Variants in ZNF286A observed in about 807,000 individuals in gnomAD.
The protein encoded by ZNF286A is zinc finger protein ZNF286.
A neutral mutation model predicts 49.3 loss-of-function variants in ZNF286A; 34 were observed. The observed-to-expected ratio is 0.69, with a 90% confidence interval of 0.52 to 0.92. The LOEUF is 0.92. Among genes scored for constraint, ZNF286A ranks in the 40% least tolerant of loss-of-function variants. The pLI is 0.00. For synonymous variants in ZNF286A, 155 were observed against 200.4 expected, an observed-to-expected ratio of 0.77 and a Z score of 1.91; for missense variants, 462 against 600.2, an observed-to-expected ratio of 0.77 and a Z score of 2.41.
At position 15,702,955 on chromosome 17, in the gene ZNF286A, G is replaced by GT. The variant is rs1989898579; in HGVS notation, c.126+1718dup. Among the ~76,000 whole-genome samples the GT allele has an allele frequency of 5.3e-5, 8 of 152,284 alleles. No individual in the cohort carries two copies. In the South Asian group the frequency reaches 1.7e-3, roughly 32 times the overall value. ...TTCTCCTAGTGTTGGCCTCTAACGA[G>GT]TTTAGGCTTACATCTTCCTGTGTTG... On this transcript the variant is annotated intron_variant, in intron 3 of 5. Coordinates refer to ENST00000583566, the MANE Select transcript of ZNF286A (RefSeq NM_001130842.2).
intron 2 of ZNF286A, among the ~76,000 whole-genome samples, chr17:15,700,890 A>G (rs1328686562): frequency 9.2e-6 from 1 of 108,522 alleles, no homozygotes; most frequent in Non-Finnish European, 2.0e-5. Flanking sequence ...TGGGAAATTT[A>G]CTGACATATT....
intron 3 of ZNF286A, chr17:15,704,419 G>A (rs1260004707): frequency 6.2e-7 from 1 of 1,606,846 alleles, no homozygotes; most frequent in African/African-American, 1.3e-5. Context: ...CCTGCCGCTG[G>A]GCCCGCCGGC....
intron 3 of ZNF286A, chr17:15,704,500 C>T (rs1990050671): frequency 6.2e-7 from 1 of 1,613,898 alleles, no homozygotes. Flanking sequence ...GAGCAGGCGG[C>T]CCGCCTCCTC....
chr17:15,716,028 G>C, intron 5 of ZNF286A, 31 bp from the exon 6 acceptor site: 1 of 1,613,702 alleles, frequency 6.2e-7, no homozygotes. Context: ...CACAGAAAAC[G>C]AAGGAAATTT....
At chr17:15,704,051 CTTATTA>C (rs202126151) in intron 3 of ZNF286A, among the ~76,000 whole-genome samples, 5 of 144,670 alleles carry the variant, frequency 3.5e-5, no homozygotes, top group African/African-American at 7.7e-5. Flanking sequence ...GAATAATTCT[CTTATTA>C]TTATTATTAT....
At chr17:15,712,859 T>C (rs943974436) in intron 5 of ZNF286A, among the ~76,000 whole-genome samples, 7 of 152,156 alleles carry the variant, frequency 4.6e-5, no homozygotes, top group African/African-American at 1.7e-4. Flanking sequence ...CCTGGAGGTC[T>C]ACAAAATCTT....
Position 15,718,260 on chromosome 17 carries a change from T to G in ZNF286A, c.*970T>G, listed in dbSNP as rs1340909113. Reference sequence around the variant, plus strand: ...TCATCATTGATTTATGTCATTGTTATCCCTCTACCGCGGAGACCTTCTTTC... The same window carrying G: ...TCATCATTGATTTATGTCATTGTTAGCCCTCTACCGCGGAGACCTTCTTTC... On this transcript the variant is annotated 3_prime_UTR_variant, in exon 6 of 6. Transcript: ENST00000583566. The G allele has an allele frequency of 1.3e-5, 2 of 151,426 alleles. No homozygotes were observed. The highest frequency in any genetic ancestry group is 1.3e-4 in the Admixed American group (2 of 15,166). 9.4% of individuals were successfully genotyped at this position (151,426 alleles called of 1,614,324 possible). A position where few individuals can be genotyped will look rare whatever the true frequency, so the allele number is the denominator to read the frequency against.
rs770503018 is a variant in ZNF286A, at chr17:15,716,173, C to A, written c.449C>A (p.Ser150Tyr). The change falls in exon 6 of 6, where the codon TCT (serine) becomes TAT (tyrosine). Residue 150 changes from serine to tyrosine, a missense_variant. Physicochemically the swap from Ser to Tyr is moderately radical, Grantham distance 144. This residue lies in a region of ZNF286A where 259 missense variants were observed against 272.2 expected (regional missense o/e 0.95). Coordinates refer to ENST00000583566, the MANE Select transcript of ZNF286A (RefSeq NM_001130842.2). ...CTGACACGGAATAGTGTCTATGACT[C>A]TAACTTGGAAGCAGCCCTTGAATGT... ...DRLTRNSVYD[S>Y]NLEAALECEN... The A allele has an allele frequency of 4.0e-5, 64 of 1,613,710 alleles. No homozygotes were observed. In the Admixed American group the frequency reaches 1.1e-3, roughly 27 times the overall value.
intron 5 of ZNF286A, 116 bp from the exon 6 acceptor site, chr17:15,715,943 A>G: frequency 6.5e-7 from 1 of 1,534,946 alleles, no homozygotes; most frequent in South Asian, 1.3e-5. Flanking sequence ...AAAGAGTCAA[A>G]TCCACTTGCT....
Position 15,716,141 on chromosome 17 carries a change from A to G in ZNF286A, c.417A>G (p.Ile139Met). ...CAGAATCATGCAAAGTTGCAATAAT[A>G]GACAGACTGACACGGAATAGTGTCT... ...SKAESCKVAI[I>M]DRLTRNSVYD... The change falls in exon 6 of 6, where the codon ATA (isoleucine) becomes ATG (methionine). Residue 139 changes from isoleucine (I) to methionine (M), a missense_variant. By Grantham distance (10) the Ile-to-Met change is conservative (BLOSUM62 1). Transcript: ENST00000583566. 6.2e-7 allele frequency: 1 copy of G among 1,613,878 alleles called. No homozygotes were observed. The highest frequency in any genetic ancestry group is 1.3e-5 in the African/African-American group (1 of 75,056).
intron 5 of ZNF286A, chr17:15,709,905 T>G (rs1990529652): frequency 6.5e-7 from 1 of 1,536,590 alleles, no homozygotes; most frequent in African/African-American, 1.4e-5. Flanking sequence ...TAGTAGGTCT[T>G]AAATCATCAC....
At chr17:15,709,270 ACC>A (rs1335997810) in intron 5 of ZNF286A, among the ~76,000 whole-genome samples, 2 of 145,338 alleles carry the variant, frequency 1.4e-5, no homozygotes, top group Non-Finnish European at 1.5e-5. Context: ...TGGGTGGATC[ACC>A]TGAGGTCAGA....
intron 3 of ZNF286A, among the ~76,000 whole-genome samples, chr17:15,701,981 G>C (rs1007282621): frequency 1.3e-5 from 2 of 151,994 alleles, no homozygotes; most frequent in African/African-American, 2.4e-5. Flanking sequence ...AATTAGCCAG[G>C]CATGGTGGCA....
chr17:15,706,426 C>A lies in ZNF286A; in HGVS notation c.166C>A (p.Pro56Thr). The change falls in exon 4 of 6, where the codon CCA (proline) becomes ACA (threonine). Residue 56 changes from proline to threonine, a missense_variant. Physicochemically the swap from Pro to Thr is conservative, Grantham distance 38. This residue lies in a region of ZNF286A where 259 missense variants were observed against 272.2 expected (regional missense o/e 0.95). Transcript: ENST00000583566. The stretch of plus-strand genomic sequence containing the variant: ...CAAGGATGTGGCCATGGACTTTACA[C>A]CAGAGGAGTGGGGGAAGCTGGATCC... ...TFKDVAMDFT[P>T]EEWGKLDPAQ... The A allele has an allele frequency of 6.2e-7, 1 of 1,613,792 alleles. No homozygotes were observed. Among genetic ancestry groups the A allele is most frequent in the Non-Finnish European group, 8.5e-7 (1 of 1,179,906 alleles).
Position 15,714,572 on chromosome 17 carries a change from G to A in ZNF286A, c.335-1487G>A, listed in dbSNP as rs56928676. ...TAGCTATTGCTATCATTCCTTGCAA[G>A]ATGGATACTGTTATTGCCCTCTCTT... On this transcript the variant is annotated intron_variant, in intron 5 of 5. Transcript: ENST00000583566. 0.01 allele frequency among the ~76,000 whole-genome samples: 1,529 copies of A among 152,242 alleles called. 58 individuals carry two copies. In the East Asian group the frequency reaches 0.13, roughly 13 times the overall value.
intron 5 of ZNF286A, among the ~76,000 whole-genome samples, chr17:15,711,668 G>A (rs1990656716): frequency 6.6e-6 from 1 of 152,046 alleles, no homozygotes; most frequent in Admixed American, 6.6e-5. Flanking sequence ...GCAGCCATTC[G>A]ATCTTCCACA....
At chr17:15,706,708 G>A (rs1187359591) in intron 4 of ZNF286A, among the ~76,000 whole-genome samples, 4 of 152,140 alleles carry the variant, frequency 2.6e-5, no homozygotes, top group Admixed American at 6.5e-5. Context: ...GGGTTTAAGT[G>A]ACAGAAACTT....
rs749030198 is a variant in ZNF286A at position 15,717,048 on chromosome 17, G to A, written c.1324G>A (p.Glu442Lys). 1 of 1,614,130 alleles carries A rather than the reference G, an allele frequency of 6.2e-7. No individual in the cohort carries two copies. The highest frequency in any genetic ancestry group is 2.2e-5 in the East Asian group (1 of 44,874). ...HTGEKPYECN[E>K]CGKTFSRSSN... Reference sequence around the variant, plus strand: ...TGGAGAGAAACCCTATGAGTGTAATGAATGTGGGAAAACCTTCAGCCGGAG... The same window carrying A: ...TGGAGAGAAACCCTATGAGTGTAATAAATGTGGGAAAACCTTCAGCCGGAG... The change falls in exon 6 of 6, where the codon GAA becomes AAA. Residue 442 changes from glutamate to lysine, a missense_variant. Glu to Lys is a moderately conservative substitution (Grantham distance 56). Coordinates refer to ENST00000583566, the MANE Select transcript of ZNF286A (RefSeq NM_001130842.2).
chr17:15,704,806 T>C (rs1490581795), intron 3 of ZNF286A: 3 of 1,613,768 alleles, frequency 1.9e-6, no homozygotes, highest in Admixed American at 3.3e-5. Flanking sequence ...GGGAAAGACC[T>C]TGATGCCATC....
Sources: gnomAD v4.1 joint callset for allele counts (sites outside exome capture counted in the v4.1 genomes callset) on GRCh38, gnomAD v4.1.1 for gene constraint, gnomAD v4.1.1 regional missense constraint, MANE v1.5 for transcripts, NCBI Gene and HGNC (gene_info 2026-07-23, HGNC 2026-07-21) for gene names.